The following CCSER1 variants were observed in gnomAD, a reference collection of about 807,000 sequenced individuals.
CCSER1 encodes serine-rich coiled-coil domain-containing protein 1.
Under a neutral mutation model 82.0 loss-of-function variants are expected in CCSER1, and 41 were observed. The observed-to-expected ratio is 0.50, with a 90% CI of 0.39 to 0.65. The LOEUF (loss-of-function observed/expected upper bound fraction) is 0.65. Ranked by LOEUF, CCSER1 falls within the 30% of genes least tolerant of loss-of-function variation. The probability of loss-of-function intolerance (pLI) is 0.00; values close to 1 mark genes in which losing one functional copy is unlikely to be tolerated. For missense variants in CCSER1, 1,119 were observed against 1,064.2 expected (o/e 1.05, Z -0.72); for synonymous variants, 414 against 383.9 (o/e 1.08, Z -0.92).
chr4:91,381,310 G>A (rs1286319802), intron 10 of CCSER1, among the ~76,000 whole-genome samples: 1 of 152,138 alleles, frequency 6.6e-6, no homozygotes, highest in Non-Finnish European at 1.5e-5. Flanking sequence ...CTAGATTGGG[G>A]AAGTTCTCCT....
chr4:90,257,471 T>C (rs1723528985), intron 1 of CCSER1, among the ~76,000 whole-genome samples: 1 of 151,974 alleles, frequency 6.6e-6, no homozygotes, highest in Non-Finnish European at 1.5e-5. Context: ...TTAATTATGG[T>C]CTAAATAGCA....
intron 10 of CCSER1, among the ~76,000 whole-genome samples, chr4:91,140,615 A>G (rs1287440902): frequency 6.6e-6 from 1 of 152,076 alleles, no homozygotes; most frequent in African/African-American, 2.4e-5. Flanking sequence ...CAACCTGTAC[A>G]TTTCTCCTAG....
chr4:91,042,102 C>T (rs1742011997), intron 9 of CCSER1, among the ~76,000 whole-genome samples: 1 of 152,064 alleles, frequency 6.6e-6, no homozygotes, highest in Non-Finnish European at 1.5e-5. Context: ...TTGGCTGTGT[C>T]CCCACCCAAA....
intron 9 of CCSER1, among the ~76,000 whole-genome samples, chr4:90,949,995 A>G (rs570574212): frequency 1.8e-4 from 28 of 152,212 alleles, no homozygotes; most frequent in Non-Finnish European, 3.2e-4. Flanking sequence ...GCCCTCTGCT[A>G]TCATACCACA....
chr4:90,486,341 G>T (rs1767054304), intron 5 of CCSER1, among the ~76,000 whole-genome samples: 1 of 152,136 alleles, frequency 6.6e-6, no homozygotes, highest in East Asian at 1.9e-4. Flanking sequence ...TCCTGACATG[G>T]ACTGCTTCTC....
chr4:90,975,238 G>A (rs1735499458), intron 9 of CCSER1, among the ~76,000 whole-genome samples: 1 of 151,098 alleles, frequency 6.6e-6, no homozygotes, highest in Admixed American at 6.6e-5. Flanking sequence ...GAGTGCTGAT[G>A]GGTATTGGGT....
chr4:91,461,823 AAGCAGGCATGT>A (rs1398650932), intron 10 of CCSER1, among the ~76,000 whole-genome samples: 2 of 152,208 alleles, frequency 1.3e-5, no homozygotes, highest in Non-Finnish European at 2.9e-5. Flanking sequence ...AACATATTCT[AAGCAGGCATGT>A]AGCAGATCCA....
chr4:91,497,476 ATAGAT>A (rs1420473704), intron 10 of CCSER1, among the ~76,000 whole-genome samples: 1 of 151,862 alleles, frequency 6.6e-6, no homozygotes, highest in Non-Finnish European at 1.5e-5. Flanking sequence ...TTCCTGTGAT[ATAGAT>A]TATTTAATCT....
chr4:91,305,031 A>C (rs1744943486), intron 10 of CCSER1, among the ~76,000 whole-genome samples: 1 of 152,026 alleles, frequency 6.6e-6, no homozygotes, highest in South Asian at 2.1e-4. Flanking sequence ...TGCTATATAA[A>C]ACATCTGAAA....
intron 10 of CCSER1, among the ~76,000 whole-genome samples, chr4:91,225,336 T>C (rs1190782613): frequency 3.1e-5 from 4 of 128,000 alleles, no homozygotes; most frequent in African/African-American, 1.3e-4. Flanking sequence ...ATATATATTA[T>C]ATATGTAATA....
intron 1 of CCSER1, among the ~76,000 whole-genome samples, chr4:90,192,527 G>A (rs1032457058): frequency 6.6e-6 from 1 of 152,000 alleles, no homozygotes; most frequent in South Asian, 2.1e-4. Flanking sequence ...GACCATTGCC[G>A]TGCAGTAGTT....
intron 5 of CCSER1, among the ~76,000 whole-genome samples, chr4:90,565,377 A>G (rs1386540916): frequency 2.0e-5 from 3 of 152,150 alleles, no homozygotes; most frequent in Non-Finnish European, 4.4e-5. Context: ...AAACTTAATG[A>G]ACTTTTTTAT....
chr4:90,488,134 G>T (rs928882781), intron 5 of CCSER1, among the ~76,000 whole-genome samples: 3 of 152,076 alleles, frequency 2.0e-5, no homozygotes, highest in Non-Finnish European at 4.4e-5. Context: ...TAAAATGAGT[G>T]TCTGGACTAC....
At chr4:91,358,433 A>C (rs1749016813) in intron 10 of CCSER1, among the ~76,000 whole-genome samples, 1 of 132,146 alleles carries the variant, frequency 7.6e-6, no homozygotes, top group Admixed American at 8.8e-5. Context: ...TACCACACTC[A>C]CACCACACAT....
intron 7 of CCSER1, among the ~76,000 whole-genome samples, chr4:90,793,536 A>G (rs1003794892): frequency 1.3e-5 from 2 of 148,434 alleles, no homozygotes; most frequent in African/African-American, 4.9e-5. Context: ...GTATTTCATG[A>G]TGTTTATATA....
intron 3 of CCSER1, among the ~76,000 whole-genome samples, chr4:90,328,898 C>T (rs946685346): frequency 4.6e-5 from 7 of 152,086 alleles, no homozygotes; most frequent in Non-Finnish European, 8.8e-5. Flanking sequence ...TATAAAATAC[C>T]TTTAGTGTCT....
intron 5 of CCSER1, among the ~76,000 whole-genome samples, chr4:90,497,787 T>C (rs966660553): frequency 5.9e-5 from 9 of 152,172 alleles, no homozygotes; most frequent in Non-Finnish European, 1.3e-4. Context: ...GTTTTGCTTG[T>C]CTGGATTAAG....
intron 5 of CCSER1, among the ~76,000 whole-genome samples, chr4:90,498,240 G>T (rs899169843): frequency 6.6e-6 from 1 of 152,056 alleles, no homozygotes; most frequent in Non-Finnish European, 1.5e-5. Context: ...TAATTAAATA[G>T]AACAATAATA....
At chr4:91,109,258 T>G (rs1331632363) in intron 10 of CCSER1, among the ~76,000 whole-genome samples, 1 of 152,156 alleles carries the variant, frequency 6.6e-6, no homozygotes, top group Non-Finnish European at 1.5e-5. Flanking sequence ...GATGATTTCT[T>G]CAGCTAGTTC....
Sources: allele counts gnomAD v4.1 joint callset (sites outside exome capture counted in the v4.1 genomes callset), GRCh38; gene constraint gnomAD v4.1.1; transcripts MANE v1.5; gene names NCBI Gene and HGNC (gene_info 2026-07-23, HGNC 2026-07-21).